Variants in CPVL observed in about 807,000 individuals in gnomAD.
CPVL encodes the protein probable serine carboxypeptidase CPVL.
CPVL carries 51 observed loss-of-function variants against 63.7 expected under a neutral mutation model. The ratio of observed to expected loss-of-function variants is 0.80; its 90% CI spans 0.64 to 1.01. The LOEUF (loss-of-function observed/expected upper bound fraction) is 1.01. Ranked by LOEUF, CPVL falls within the 50% of genes least tolerant of loss-of-function variation. The pLI, the probability that CPVL is intolerant of heterozygous loss-of-function variation, is 0.00. For synonymous variants in CPVL, 195 were observed against 206.0 expected (o/e 0.95, Z 0.46); for missense variants, 530 against 573.1 (o/e 0.92, Z 0.77).
chr7:29,045,593 T>C (rs1789533684), intron 11 of CPVL, among the ~76,000 whole-genome samples: 1 of 152,202 alleles, frequency 6.6e-6, no homozygotes, highest in South Asian at 2.1e-4. Flanking sequence ...CACATACAGC[T>C]CACAGTCAAC....
chr7:28,995,416 A>G lies in CPVL; in HGVS notation c.*356T>C, dbSNP rs1007565535. On this transcript the variant is annotated 3_prime_UTR_variant, in exon 13 of 13. Coordinates refer to ENST00000265394, the MANE Select transcript of CPVL (RefSeq NM_031311.5). Reference sequence around the variant, plus strand: ...CCAAACTTCTGTTATTGGCAGAAAAAGATGTTACAGCTTTGTTTGTTACAA... The same window carrying G: ...CCAAACTTCTGTTATTGGCAGAAAAGGATGTTACAGCTTTGTTTGTTACAA... 20 of 183,624 alleles carry G rather than the reference A, an allele frequency of 1.1e-4. No individual in the cohort carries two copies. The highest frequency in any genetic ancestry group is 4.5e-5 in the Non-Finnish European group (4 of 89,718). 11.4% of individuals were successfully genotyped at this position (183,624 alleles called of 1,614,324 possible).
intron 1 of CPVL, among the ~76,000 whole-genome samples, chr7:29,186,936 T>G (rs1346021533): frequency 6.6e-6 from 1 of 152,208 alleles, no homozygotes. Context: ...AGCATTTTAA[T>G]TAAGATATTA....
chr7:29,129,541 C>T (rs1790458147), intron 1 of CPVL, among the ~76,000 whole-genome samples: 1 of 150,944 alleles, frequency 6.6e-6, no homozygotes, highest in Non-Finnish European at 1.5e-5. Context: ...ACGATCGCAG[C>T]TCATGCAACC....
intron 11 of CPVL, among the ~76,000 whole-genome samples, chr7:29,057,744 C>T (rs1790882571): frequency 1.3e-5 from 2 of 152,090 alleles, no homozygotes; most frequent in Non-Finnish European, 2.9e-5. Context: ...GTTCCTGCAC[C>T]ATTTGTTGTA....
intron 5 of CPVL, among the ~76,000 whole-genome samples, chr7:29,093,880 G>T (rs1208321461): frequency 1.3e-5 from 2 of 152,198 alleles, no homozygotes; most frequent in African/African-American, 4.8e-5. Flanking sequence ...CATCTGAAAA[G>T]TGAGAGAAGT....
chr7:29,097,990 G>A (rs1562768223), intron 3 of CPVL, among the ~76,000 whole-genome samples: 1 of 152,144 alleles, frequency 6.6e-6, no homozygotes, highest in Non-Finnish European at 1.5e-5. Context: ...AGCTCTACTT[G>A]GCTCCCCTGC....
chr7:29,188,112 C>T (rs1798945848), intron 1 of CPVL, among the ~76,000 whole-genome samples: 1 of 152,190 alleles, frequency 6.6e-6, no homozygotes, highest in Non-Finnish European at 1.5e-5. Context: ...TTAATTCTCA[C>T]AGATTACTCC....
At chr7:29,185,779 C>T (rs1178936346) in intron 2 of CPVL, among the ~76,000 whole-genome samples, 1 of 152,150 alleles carries the variant, frequency 6.6e-6, no homozygotes, top group Non-Finnish European at 1.5e-5. Flanking sequence ...CAAAATTATT[C>T]ACATCACCTC....
At chr7:29,054,175 C>G (rs1396551216) in intron 11 of CPVL, among the ~76,000 whole-genome samples, 1 of 152,096 alleles carries the variant, frequency 6.6e-6, no homozygotes, top group Non-Finnish European at 1.5e-5. Context: ...GTACAATGAT[C>G]AAAACCAGAA....
intron 1 of CPVL, among the ~76,000 whole-genome samples, chr7:29,129,166 AC>A (rs1020878141): frequency 2.7e-4 from 41 of 152,322 alleles, no homozygotes; most frequent in African/African-American, 9.9e-4. Context: ...CACTGTTATA[AC>A]CCAAGAGATA....
intron 1 of CPVL, among the ~76,000 whole-genome samples, chr7:29,139,533 G>T (rs189302885): frequency 6.6e-6 from 1 of 151,990 alleles, no homozygotes; most frequent in South Asian, 2.1e-4. Context: ...GCTATTCTTG[G>T]GGGGGCAGGG....
chr7:29,046,152 G>A (rs181623002), intron 11 of CPVL, among the ~76,000 whole-genome samples: 27 of 148,086 alleles, frequency 1.8e-4, no homozygotes, highest in African/African-American at 6.3e-4. Flanking sequence ...TGGCGTGATC[G>A]CGGCTCACTG....
intron 12 of CPVL, among the ~76,000 whole-genome samples, chr7:29,017,780 G>A (rs1786559943): frequency 6.6e-6 from 1 of 152,196 alleles, no homozygotes; most frequent in Non-Finnish European, 1.5e-5. Context: ...ATGCATATAG[G>A]CTCCAATTTT....
At chr7:29,013,537 T>A (rs1399720787) in intron 12 of CPVL, among the ~76,000 whole-genome samples, 1 of 152,218 alleles carries the variant, frequency 6.6e-6, no homozygotes, top group Non-Finnish European at 1.5e-5. Context: ...TAAGACATAA[T>A]TACACTGAGA....
At chr7:29,183,659 G>A (rs1798347198) in intron 4 of CPVL, among the ~76,000 whole-genome samples, 1 of 152,112 alleles carries the variant, frequency 6.6e-6, no homozygotes, top group African/African-American at 2.4e-5. Context: ...TTACAGGTGT[G>A]AGCCACCACA....
At chr7:29,194,850 G>C in intron 1 of CPVL, 1 of 1,215,142 alleles carries the variant, frequency 8.2e-7, no homozygotes, top group Non-Finnish European at 1.1e-6. Context: ...CATGGGCTGG[G>C]GGCCGCGGAG....
intron 1 of CPVL, among the ~76,000 whole-genome samples, chr7:29,130,280 T>C (rs1050631474): frequency 6.6e-6 from 1 of 152,152 alleles, no homozygotes; most frequent in Admixed American, 6.5e-5. Flanking sequence ...AACACTAAGC[T>C]GGAAAAGGGA....
intron 7 of CPVL, among the ~76,000 whole-genome samples, chr7:29,079,532 G>A (rs186662923): frequency 1.8e-4 from 27 of 152,288 alleles, no homozygotes; most frequent in East Asian, 3.9e-4. Flanking sequence ...AGGATTAAAC[G>A]AGGTAATGCA....
At chr7:29,021,801 C>G (rs547572316) in intron 12 of CPVL, among the ~76,000 whole-genome samples, 7 of 152,018 alleles carry the variant, frequency 4.6e-5, no homozygotes, top group Middle Eastern at 3.4e-3. Context: ...AGGCCGGCCC[C>G]CACCAGACTA....
Sources: gnomAD v4.1 joint callset for allele counts (sites outside exome capture counted in the v4.1 genomes callset) on GRCh38, gnomAD v4.1.1 for gene constraint, MANE v1.5 for transcripts, NCBI Gene and HGNC (gene_info 2026-07-23, HGNC 2026-07-21) for gene names.